The following DEAF1 variants were observed in gnomAD, a reference collection of about 807,000 sequenced individuals.
The protein encoded by DEAF1 is deformed epidermal autoregulatory factor 1 homolog.
A neutral mutation model predicts 58.9 loss-of-function variants in DEAF1; 53 were observed. That is an observed-to-expected ratio of 0.90 (90% CI 0.72 to 1.13). The LOEUF (loss-of-function observed/expected upper bound fraction) is 1.13. DEAF1 is among the 50% of genes most tolerant of loss of function. The pLI is 0.00. For missense variants in DEAF1, 685 were observed against 791.4 expected (o/e 0.87, Z 1.61); for synonymous variants, 385 against 340.4 (o/e 1.13, Z -1.44).
intron 5 of DEAF1, 102 bp from the exon 6 acceptor site, chr11:685,065 T>A: frequency 1.3e-5 from 9 of 704,698 alleles, no homozygotes; most frequent in Non-Finnish European, 2.2e-5. Flanking sequence ...TACCTACCAT[T>A]CATAAATATA....
In DEAF1 at chr11:648,256, A is replaced by G. The variant is rs573773929; in HGVS notation, c.1594-3602T>C. On this transcript the variant is annotated intron_variant, in intron 11 of 11. Transcript: ENST00000382409. ...GTCTCCCAGGCTGGAGTGCTGTGGCACGATCTCGGCTCACTGCAAGCTCCG... is the reference window on the plus strand; with the variant it reads ...GTCTCCCAGGCTGGAGTGCTGTGGCGCGATCTCGGCTCACTGCAAGCTCCG... Among the ~76,000 whole-genome samples, 1,006 of 138,770 alleles carry G rather than the reference A, an allele frequency of 7.2e-3. 6 individuals carry two copies. The highest frequency in any genetic ancestry group is 0.011 in the Non-Finnish European group (753 of 66,544). 91.0% of individuals were successfully genotyped at this position (138,770 alleles called of 152,430 possible).
chr11:678,234 A>C (rs1860166354), intron 9 of DEAF1: 1 of 192,862 alleles, frequency 5.2e-6, no homozygotes, highest in Non-Finnish European at 1.1e-5. Flanking sequence ...CAGTTAAACG[A>C]AAAATCAAAG....
rs897661281 is a variant in DEAF1, at chr11:705,047, G to A, written c.-438+1525C>T. On this transcript the variant is annotated intron_variant, in intron 1 of 11. Coordinates refer to the DEAF1 transcript ENST00000683307. The stretch of plus-strand genomic sequence containing the variant: ...AAACCAGGAAGCCAGGTCTTGCCTG[G>A]GCTCAGGGGCAGGCACTGGGCCCGA... The A allele has an allele frequency of 1.7e-5, 4 of 231,890 alleles. No individual in the cohort carries two copies. In the Admixed American group the frequency reaches 2.1e-4, roughly 12 times the overall value. 14.4% of individuals were successfully genotyped at this position (231,890 alleles called of 1,614,324 possible).
intron 10 of DEAF1, among the ~76,000 whole-genome samples, chr11:655,028 G>A (rs965265307): frequency 2.6e-5 from 4 of 151,364 alleles, no homozygotes; most frequent in East Asian, 3.9e-4. Flanking sequence ...CAGCCTGGGC[G>A]ACAGAGCAAG....
chr11:671,132 G>A (rs1161609466), intron 10 of DEAF1, among the ~76,000 whole-genome samples: 1 of 151,668 alleles, frequency 6.6e-6, no homozygotes, highest in Non-Finnish European at 1.5e-5. Flanking sequence ...GTTTCACCAT[G>A]TTAGCCAGGA....
intron 8 of DEAF1, 55 bp downstream of exon 8, chr11:679,633 T>C: frequency 6.2e-7 from 1 of 1,603,114 alleles, no homozygotes; most frequent in Non-Finnish European, 8.5e-7. Context: ...GGGGATGTGA[T>C]GTCACAGACA....
rs182928481 is a variant in DEAF1 at position 688,097 on chromosome 11, C to T, written c.518-40G>A. The T allele has an allele frequency of 1.2e-4, 190 of 1,612,862 alleles. No individual in the cohort carries two copies. In the African/African-American group the frequency reaches 2.4e-3, roughly 21 times the overall value. On this transcript the variant is annotated intron_variant, in intron 3 of 11. Coordinates refer to ENST00000382409, the MANE Select transcript of DEAF1 (RefSeq NM_021008.4). This position sits in a 1 kb window ranked among gnomAD's most constrained non-coding sequence, Gnocchi z 4.3. ...GTGTTTGAAGGTGAGAGGCCGGACACCGGGAAGCATAGTACACTCTCATCT... is the reference window on the plus strand; with the variant it reads ...GTGTTTGAAGGTGAGAGGCCGGACATCGGGAAGCATAGTACACTCTCATCT...
At position 686,903 on chromosome 11, in the gene DEAF1, T is replaced by C; in HGVS notation, c.759A>G (p.Lys253=). The C allele has an allele frequency of 6.2e-7, 1 of 1,614,208 alleles. No homozygotes were observed. Among genetic ancestry groups the C allele is most frequent in the Middle Eastern group, 1.6e-4 (1 of 6,062 alleles). ...MAGRASSKDW[K]RSIRYAGRPL... Reference sequence around the variant, plus strand: ...GTCGGCCCGCGTAGCGAATGCTTCTTTTCCAGTCCTTACTGCTGGCTCTTC... The same window carrying C: ...GTCGGCCCGCGTAGCGAATGCTTCTCTTCCAGTCCTTACTGCTGGCTCTTC... Residue 253 remains lysine, a synonymous_variant, in exon 5 of 12, where the codon AAA becomes AAG. Coordinates refer to ENST00000382409, the MANE Select transcript of DEAF1 (RefSeq NM_021008.4).
chr11:674,430 AGGGGCCTTG>A (rs1201208745), intron 10 of DEAF1, 97 bp downstream of exon 10: 3 of 1,479,110 alleles, frequency 2.0e-6, no homozygotes, highest in Admixed American at 3.4e-5. Flanking sequence ...AAGGTGGGGC[AGGGGCCTTG>A]TGAGCCAAGG....
intron 9 of DEAF1, among the ~76,000 whole-genome samples, chr11:676,767 G>C (rs1860098354): frequency 6.6e-6 from 1 of 152,180 alleles, no homozygotes; most frequent in Admixed American, 6.5e-5. Flanking sequence ...GCCTCCCAAA[G>C]CGCTGGGATT....
At chr11:698,554 G>C (rs905641206), upstream of DEAF1, among the ~76,000 whole-genome samples, 1 of 152,158 alleles carries the variant, frequency 6.6e-6, no homozygotes, top group African/African-American at 2.4e-5. Flanking sequence ...GCAGCTGTTG[G>C]GGTGGGCTCC....
At chr11:650,177 C>A (rs1250475232) in intron 11 of DEAF1, among the ~76,000 whole-genome samples, 1 of 151,790 alleles carries the variant, frequency 6.6e-6, no homozygotes, top group South Asian at 2.1e-4. Flanking sequence ...GAGTTTGAGA[C>A]CAGCCTGGCC....
At chr11:646,393 A>G (rs1362507189) in intron 11 of DEAF1, 1 of 152,162 alleles carries the variant, frequency 6.6e-6, no homozygotes, top group Non-Finnish European at 1.5e-5. Context: ...CTCTGGGGCA[A>G]CCAGGAAGGG....
intron 11 of DEAF1, among the ~76,000 whole-genome samples, chr11:649,107 C>T (rs1369214076): frequency 6.6e-6 from 1 of 152,084 alleles, no homozygotes; most frequent in Non-Finnish European, 1.5e-5. Flanking sequence ...AAAAATTAGC[C>T]TGGCATGGTG....
rs553180047 is a variant in DEAF1, at chr11:652,485, A to C, written c.1593+1477T>G. ...AAACCCTGTCTCTACTAAAAACATA[A>C]AAATTAGCCGGGGGTGGAGGTGCAT... On this transcript the variant is annotated intron_variant, in intron 11 of 11. Transcript: ENST00000382409. Among the ~76,000 whole-genome samples, 9 of 152,234 alleles carry C rather than the reference A, an allele frequency of 5.9e-5. No individual in the cohort carries two copies. The South Asian group carries it at 1.9e-3, about 32-fold the overall frequency.
intron 1 of DEAF1, among the ~76,000 whole-genome samples, chr11:694,130 C>T (rs1373693682): frequency 1.3e-5 from 2 of 152,072 alleles, no homozygotes; most frequent in African/African-American, 4.8e-5. Context: ...TTCTCCAGGA[C>T]AGGTGGGGGG....
intron 11 of DEAF1, among the ~76,000 whole-genome samples, chr11:649,562 G>A (rs936925199): frequency 2.6e-5 from 4 of 151,148 alleles, no homozygotes; most frequent in African/African-American, 9.7e-5. Context: ...TCTACTAAAA[G>A]TACAAAAATT....
intron 11 of DEAF1, among the ~76,000 whole-genome samples, chr11:653,486 C>T (rs988096309): frequency 7.3e-6 from 1 of 136,606 alleles, no homozygotes; most frequent in East Asian, 2.2e-4. Flanking sequence ...GAACTGTGGA[C>T]AGTCTCTCTC....
At chr11:700,451 C>A (rs1040737979) in intron 1 of DEAF1, among the ~76,000 whole-genome samples, 3 of 150,872 alleles carry the variant, frequency 2.0e-5, no homozygotes, top group African/African-American at 7.3e-5. Context: ...TGCTTGAACC[C>A]GGGAGGTGGA....
Sources: gnomAD v4.1 joint callset for allele counts (sites outside exome capture counted in the v4.1 genomes callset) on GRCh38, gnomAD v4.1.1 for gene constraint, Gnocchi (gnomAD v3.1) non-coding constraint, MANE v1.5 for transcripts, NCBI Gene and HGNC (gene_info 2026-07-23, HGNC 2026-07-21) for gene names.